LRRTM4: variants seen among roughly 807,000 people sequenced by gnomAD.
LRRTM4 encodes the protein leucine rich repeat transmembrane neuronal 4.
In LRRTM4, 25 loss-of-function variants were observed where a neutral mutation model predicts 47.6. That is an observed-to-expected ratio of 0.53 (90% CI 0.38 to 0.73). The LOEUF is 0.73. LRRTM4 is among the 30% of genes least tolerant of loss of function. The probability of loss-of-function intolerance (pLI) is 0.00; values close to 1 mark genes in which losing one functional copy is unlikely to be tolerated. For synonymous variants in LRRTM4, 311 were observed against 269.5 expected (o/e 1.15, Z -1.51); for missense variants, 638 against 713.4 (o/e 0.89, Z 1.20).
intron 3 of LRRTM4, among the ~76,000 whole-genome samples, chr2:77,287,075 G>A (rs1236161000): frequency 1.3e-5 from 2 of 152,048 alleles, no homozygotes; most frequent in East Asian, 1.9e-4. Flanking sequence ...TACGTTCGAG[G>A]CCACAGTGCC....
At chr2:76,835,709 A>G (rs1401087117) in intron 3 of LRRTM4, among the ~76,000 whole-genome samples, 5 of 152,046 alleles carry the variant, frequency 3.3e-5, no homozygotes, top group East Asian at 1.9e-4. Flanking sequence ...ATTTAGGTAT[A>G]TATTTCTTTA....
chr2:76,877,457 G>A (rs748197743), intron 3 of LRRTM4, among the ~76,000 whole-genome samples: 45 of 151,634 alleles, frequency 3.0e-4, no homozygotes, highest in Non-Finnish European at 4.7e-4. Flanking sequence ...CTTCACAATT[G>A]CGTGGTATTT....
intron 3 of LRRTM4, among the ~76,000 whole-genome samples, chr2:76,902,978 G>A (rs1325864724): frequency 2.0e-5 from 3 of 152,056 alleles, no homozygotes; most frequent in Non-Finnish European, 2.9e-5. Context: ...GGTGGGTCAA[G>A]GTTAATGTAA....
At chr2:77,198,639 C>G (rs1023059262) in intron 3 of LRRTM4, among the ~76,000 whole-genome samples, 16 of 152,000 alleles carry the variant, frequency 1.1e-4, no homozygotes, top group African/African-American at 3.9e-4. Context: ...ATTTATAAAC[C>G]AGACTTGCTT....
intron 3 of LRRTM4, among the ~76,000 whole-genome samples, chr2:76,769,919 A>G (rs73940052): frequency 0.023 from 3,447 of 152,316 alleles, 127 homozygotes; most frequent in African/African-American, 0.072. Context: ...CAGCAGCAAT[A>G]GCATCAACTA....
chr2:76,987,321 A>T (rs2044484), intron 3 of LRRTM4: 1 of 110,484 alleles, frequency 9.1e-6, no homozygotes, highest in African/African-American at 3.1e-5. Flanking sequence ...TTTCAGGATT[A>T]AATAATTTAT....
At chr2:77,326,663 T>G (rs1478053314) in intron 3 of LRRTM4, among the ~76,000 whole-genome samples, 1 of 152,180 alleles carries the variant, frequency 6.6e-6, no homozygotes, top group Non-Finnish European at 1.5e-5. Flanking sequence ...CCCAAAGTGC[T>G]AGGATTACAG....
At chr2:77,261,420 C>T (rs1675916635) in intron 3 of LRRTM4, among the ~76,000 whole-genome samples, 1 of 152,080 alleles carries the variant, frequency 6.6e-6, no homozygotes, top group South Asian at 2.1e-4. Context: ...TATCTTTTCT[C>T]ATCCTGGTGA....
At chr2:77,416,183 A>C (rs959359566) in intron 3 of LRRTM4, among the ~76,000 whole-genome samples, 8 of 152,214 alleles carry the variant, frequency 5.3e-5, no homozygotes, top group African/African-American at 1.9e-4. Context: ...GGATAGAATA[A>C]TATTTCTTTA....
chr2:77,410,354 C>T (rs1002148601), intron 3 of LRRTM4, among the ~76,000 whole-genome samples: 8 of 152,056 alleles, frequency 5.3e-5, no homozygotes, highest in African/African-American at 1.7e-4. Flanking sequence ...TAAAGACCTC[C>T]GTGCCCTGAA....
chr2:76,971,309 T>A (rs535490790), intron 3 of LRRTM4, among the ~76,000 whole-genome samples: 1 of 152,202 alleles, frequency 6.6e-6, no homozygotes, highest in East Asian at 1.9e-4. Context: ...GATATGTACC[T>A]CTGACAAGCT....
intron 3 of LRRTM4, among the ~76,000 whole-genome samples, chr2:77,513,654 C>A (rs1679103062): frequency 6.6e-6 from 1 of 152,044 alleles, no homozygotes; most frequent in Admixed American, 6.6e-5. Context: ...CAACCTCTGC[C>A]TCCTGGGTTC....
In LRRTM4 at chr2:77,037,595, G is replaced by A. The variant is rs534125242; in HGVS notation, c.1552-288679C>T. On this transcript the variant is annotated intron_variant, in intron 3 of 3. Transcript: ENST00000409884. ...CCTCACATTTCACTTAACACATTGT[G>A]TCTCATGCAAATAGGATGCACAAAT... Among the ~76,000 whole-genome samples, 9 of 151,758 alleles carry A rather than the reference G, an allele frequency of 5.9e-5. No homozygotes were observed. In the South Asian group the frequency reaches 1.9e-3, roughly 31 times the overall value.
chr2:76,925,898 T>C (rs1342919238), intron 3 of LRRTM4, among the ~76,000 whole-genome samples: 1 of 151,996 alleles, frequency 6.6e-6, no homozygotes, highest in Non-Finnish European at 1.5e-5. Flanking sequence ...CTAAAAAGAG[T>C]AAAACATTTA....
chr2:76,871,371 G>C (rs1025379643), intron 3 of LRRTM4, among the ~76,000 whole-genome samples: 2 of 152,116 alleles, frequency 1.3e-5, no homozygotes, highest in Non-Finnish European at 2.9e-5. Context: ...TTGCCTAGTA[G>C]TTAGCAGAGA....
rs1386206170 is a variant in LRRTM4 at position 77,277,680 on chromosome 2, A to G, written c.1551+240638T>C. Among the ~76,000 whole-genome samples, 4 of 152,030 alleles carry G rather than the reference A, an allele frequency of 2.6e-5. No homozygotes were observed. The East Asian group carries it at 7.7e-4, about 29-fold the overall frequency. On this transcript the variant is annotated intron_variant, in intron 3 of 3. Transcript: ENST00000409884. ...TTAAATTTCTCCGTTCATATGTAAA[A>G]GCAGATGATCTCGTTTTCTTAAATG...
At chr2:76,863,982 GT>G (rs1672393950) in intron 3 of LRRTM4, among the ~76,000 whole-genome samples, 1 of 152,138 alleles carries the variant, frequency 6.6e-6, no homozygotes, top group Non-Finnish European at 1.5e-5. Flanking sequence ...CAGACTATAA[GT>G]AGTTCACCAC....
intron 3 of LRRTM4, among the ~76,000 whole-genome samples, chr2:76,791,508 G>A (rs572972014): frequency 6.6e-5 from 10 of 152,306 alleles, no homozygotes; most frequent in East Asian, 3.9e-4. Flanking sequence ...CAAGGGACTC[G>A]AGTATTTAGG....
intron 3 of LRRTM4, among the ~76,000 whole-genome samples, chr2:77,255,688 C>T (rs1047943077): frequency 6.6e-6 from 1 of 151,786 alleles, no homozygotes; most frequent in African/African-American, 2.4e-5. Flanking sequence ...AATAGAATAT[C>T]CCAAGGGAAA....
Sources: allele counts gnomAD v4.1 joint callset (sites outside exome capture counted in the v4.1 genomes callset), GRCh38; gene constraint gnomAD v4.1.1; transcripts MANE v1.5; gene names NCBI Gene and HGNC (gene_info 2026-07-23, HGNC 2026-07-21).